Variants in POLN observed in about 807,000 individuals in gnomAD.
The protein encoded by POLN is DNA polymerase nu.
In POLN, 108 loss-of-function variants were observed where a neutral mutation model predicts 113.5. That is an observed-to-expected ratio of 0.95 (90% confidence interval 0.81 to 1.12). POLN has a LOEUF of 1.12. Among genes scored for constraint, POLN ranks in the 50% most tolerant of loss-of-function variants. The probability of loss-of-function intolerance (pLI) is 0.00; values close to 1 mark genes in which losing one functional copy is unlikely to be tolerated. For synonymous variants in POLN, 386 were observed against 391.5 expected, an observed-to-expected ratio of 0.99 and a Z score of 0.17; for missense variants, 1,097 against 1,077.1, an observed-to-expected ratio of 1.02 and a Z score of -0.26.
chr4:2,122,116 G>C (rs747311334), intron 19 of POLN, among the ~76,000 whole-genome samples: 19 of 152,192 alleles, frequency 1.2e-4, no homozygotes, highest in Non-Finnish European at 2.6e-4. Flanking sequence ...CACTTGCCTT[G>C]AATCGCAGAG....
At position 2,072,260 on chromosome 4, in the gene POLN, C is replaced by T. The variant is rs991712379; in HGVS notation, c.2557G>A (p.Gly853Arg). Residue 853 changes from glycine to arginine, a missense_variant, in exon 26 of 26, where the codon GGA becomes AGA. By Grantham distance (125) the Gly-to-Arg change is moderately radical. Coordinates refer to ENST00000511885, the MANE Select transcript of POLN (RefSeq NM_181808.4). ...GCCTCCTGCAGTGGCACCAGGTGTC[C>T]CCATGAGCGGCCGGCACTCAGGCTC... The part of the protein sequence containing the change: ...KVSLSAGRSW[G>R]HLVPLQEAWG... The T allele has an allele frequency of 9.4e-6, 15 of 1,593,986 alleles. No homozygotes were observed. The highest frequency in any genetic ancestry group is 1.3e-5 in the Non-Finnish European group (15 of 1,169,930).
intron 13 of POLN, among the ~76,000 whole-genome samples, chr4:2,162,783 G>T (rs372405873): frequency 3.3e-5 from 5 of 151,632 alleles, no homozygotes; most frequent in African/African-American, 1.2e-4. Flanking sequence ...TTACCTTTAA[G>T]CTCTGTTGGA....
At chr4:2,187,881 C>T (rs1176356005) in intron 7 of POLN, among the ~76,000 whole-genome samples, 2 of 152,114 alleles carry the variant, frequency 1.3e-5, no homozygotes, top group Non-Finnish European at 1.5e-5. Context: ...GAGCCCAAGG[C>T]AGGAGGATTG....
intron 16 of POLN, chr4:2,140,014 CTCAAAAGGTAAGTAATAAA>C (rs1253184571): frequency 2.0e-5 from 3 of 152,130 alleles, no homozygotes; most frequent in Non-Finnish European, 4.4e-5. Flanking sequence ...CCTATTAGAA[CTCAAAAGGTAAGTAATAAA>C]TAGCTCTTTC....
intron 2 of POLN, chr4:2,232,004 C>T (rs1734597126): frequency 6.6e-7 from 1 of 1,506,286 alleles, no homozygotes; most frequent in Non-Finnish European, 9.2e-7. Context: ...TAATCTTCAT[C>T]TTTTAAAAAA....
chr4:2,236,597 G>A, intron 2 of POLN: 2 of 634,940 alleles, frequency 3.1e-6, no homozygotes, highest in South Asian at 2.0e-5. Context: ...AGTAGCTCAC[G>A]CCTGTAATCC....
chr4:2,155,953 GCCTCCCTAGTA>G (rs1362069595), intron 16 of POLN, among the ~76,000 whole-genome samples: 2 of 152,020 alleles, frequency 1.3e-5, no homozygotes, highest in East Asian at 3.9e-4. Context: ...TCCTGCCTCA[GCCTCCCTAGTA>G]CCTGAGACTA....
rs1292758776 is a variant in POLN, at chr4:2,229,195, A to G, written c.37T>C (p.Cys13Arg). ...NYEALVGFDLCNTPLSSVAQK... is the reference protein window; with the variant it reads ...NYEALVGFDLRNTPLSSVAQK... ...GCAACACTGGAGAGCGGTGTATTAC[A>G]GAGATCAAAGCCTACCAATGCCTCA... Residue 13 changes from cysteine to arginine, a missense_variant, in exon 3 of 26, where the codon TGT (cysteine) becomes CGT (arginine). By Grantham distance (180) the Cys-to-Arg change is radical (BLOSUM62 -3). Transcript: ENST00000511885. 9.9e-6 allele frequency: 16 copies of G among 1,610,022 alleles called. No individual in the cohort carries two copies. The highest frequency in any genetic ancestry group is 1.4e-5 in the Non-Finnish European group (16 of 1,177,314).
intron 16 of POLN, chr4:2,141,192 G>A (rs1178836008): frequency 6.6e-6 from 1 of 152,242 alleles, no homozygotes; most frequent in African/African-American, 2.4e-5. Flanking sequence ...TAATTGTTTA[G>A]GTCAGCTGAG....
chr4:2,208,560 G>A, intron 4 of POLN, 73 bp from the exon 5 acceptor site: 2 of 1,267,686 alleles, frequency 1.6e-6, no homozygotes, highest in Non-Finnish European at 2.1e-6. Flanking sequence ...ACTAATTTCT[G>A]GTAAAAACTT....
chr4:2,072,269 G>T lies in POLN; in HGVS notation c.2548C>A (p.Arg850Ser). Reference protein sequence around the residue: ...VPLKVSLSAGRSWGHLVPLQE... With the variant: ...VPLKVSLSAGSSWGHLVPLQE... Reference sequence around the variant, plus strand: ...AGTGGCACCAGGTGTCCCCATGAGCGGCCGGCACTCAGGCTCACCTTGAGG... The same window carrying T: ...AGTGGCACCAGGTGTCCCCATGAGCTGCCGGCACTCAGGCTCACCTTGAGG... The change falls in exon 26 of 26, where the codon CGC becomes AGC. Residue 850 changes from arginine (R) to serine (S), a missense_variant. Physicochemically the swap from Arg to Ser is moderately radical, Grantham distance 110. Transcript: ENST00000511885. 1.3e-6 allele frequency: 2 copies of T among 1,591,194 alleles called. No homozygotes were observed. Among genetic ancestry groups the T allele is most frequent in the Non-Finnish European group, 8.6e-7 (1 of 1,168,672 alleles).
chr4:2,103,335 CA>C (rs764511463), intron 19 of POLN, among the ~76,000 whole-genome samples: 20 of 152,012 alleles, frequency 1.3e-4, no homozygotes, highest in Non-Finnish European at 2.8e-4. Flanking sequence ...AAAGCTTCAA[CA>C]ACAGACTGGG....
chr4:2,123,647 A>AAG, intron 19 of POLN, among the ~76,000 whole-genome samples: 1 of 148,664 alleles, frequency 6.7e-6, no homozygotes, highest in Non-Finnish European at 1.5e-5. Context: ...AAAAAAAAAG[A>AAG]AAAAAAAATT....
chr4:2,179,779 C>T (rs1242387384), intron 7 of POLN, among the ~76,000 whole-genome samples: 3 of 152,306 alleles, frequency 2.0e-5, no homozygotes, highest in East Asian at 3.9e-4. Context: ...TAAAAGCTGT[C>T]GAAGTCAGAG....
intron 13 of POLN, among the ~76,000 whole-genome samples, chr4:2,164,799 T>C (rs1732687773): frequency 1.5e-5 from 1 of 66,108 alleles, no homozygotes; most frequent in African/African-American, 6.8e-5. Context: ...CAAGACTCTG[T>C]CTCAAAAAAA....
At chr4:2,184,436 T>C (rs1380221121) in intron 7 of POLN, among the ~76,000 whole-genome samples, 14 of 152,268 alleles carry the variant, frequency 9.2e-5, no homozygotes, top group Admixed American at 6.5e-4. Flanking sequence ...TGATCTTATA[T>C]ACAGCCAAAC....
chr4:2,182,806 C>G (rs998704047), intron 7 of POLN, among the ~76,000 whole-genome samples: 2 of 143,598 alleles, frequency 1.4e-5, no homozygotes, highest in Non-Finnish European at 3.0e-5. Context: ...AAAGAAAACA[C>G]AAATAAATCG....
Position 2,085,396 on chromosome 4 carries a change from A to G in POLN, c.2197+217T>C, listed in dbSNP as rs929688842. On this transcript the variant is annotated intron_variant, in intron 21 of 25. Coordinates refer to ENST00000511885, the MANE Select transcript of POLN (RefSeq NM_181808.4). ...TGCCCATCCACCATCTAGTCACTCA[A>G]GTTTGTTCACTGTGTTGCTTCAAGC... Among the ~76,000 whole-genome samples, 6 of 152,012 alleles carry G rather than the reference A, an allele frequency of 3.9e-5. No individual in the cohort carries two copies. The South Asian group carries it at 8.3e-4, about 21-fold the overall frequency.
chr4:2,079,710 G>T, intron 23 of POLN: 1 of 786,406 alleles, frequency 1.3e-6, no homozygotes, highest in African/African-American at 1.9e-5. Flanking sequence ...TCAGCCTCCT[G>T]AGTAGCTGGG....
Sources: gnomAD v4.1 joint callset for allele counts (sites outside exome capture counted in the v4.1 genomes callset) on GRCh38, gnomAD v4.1.1 for gene constraint, MANE v1.5 for transcripts, NCBI Gene and HGNC (gene_info 2026-07-23, HGNC 2026-07-21) for gene names.